Variants in STON2 observed in about 807,000 individuals in gnomAD.
STON2 encodes the protein stonin-2.
STON2 carries 29 observed loss-of-function variants against 65.7 expected under a neutral mutation model. The observed-to-expected ratio is 0.44, with a 90% CI of 0.33 to 0.60. The LOEUF (loss-of-function observed/expected upper bound fraction) is 0.60. STON2 is among the 20% of genes least tolerant of loss of function. The probability of loss-of-function intolerance (pLI) is 0.03; values close to 1 mark genes in which losing one functional copy is unlikely to be tolerated. For missense variants in STON2, 1,054 were observed against 1,118.1 expected (o/e 0.94, Z 0.82); for synonymous variants, 404 against 414.2 (o/e 0.98, Z 0.30).
intron 5 of STON2, among the ~76,000 whole-genome samples, chr14:81,289,943 A>C (rs1421721172): frequency 6.6e-6 from 1 of 152,176 alleles, no homozygotes; most frequent in African/African-American, 2.4e-5. Context: ...CTTAAAGAGA[A>C]TGTCAAGTGG....
chr14:81,369,472 C>A, intron 4 of STON2, among the ~76,000 whole-genome samples: 1 of 152,114 alleles, frequency 6.6e-6, no homozygotes, highest in Non-Finnish European at 1.5e-5. Flanking sequence ...GCATAGAAAT[C>A]TTGGCTTTTC....
chr14:81,286,474 T>C (rs1895338204), intron 5 of STON2, among the ~76,000 whole-genome samples: 1 of 152,220 alleles, frequency 6.6e-6, no homozygotes, highest in African/African-American at 2.4e-5. Context: ...AGGTGATCAT[T>C]AGCACTTTTA....
At chr14:81,308,573 G>A (rs1019967167) in intron 5 of STON2, among the ~76,000 whole-genome samples, 5 of 151,746 alleles carry the variant, frequency 3.3e-5, no homozygotes, top group Non-Finnish European at 5.9e-5. Flanking sequence ...CTGAAGGTGG[G>A]GCATTTATTC....
intron 5 of STON2, among the ~76,000 whole-genome samples, chr14:81,298,463 C>T (rs889225407): frequency 2.0e-5 from 3 of 151,894 alleles, no homozygotes; most frequent in Admixed American, 6.6e-5. Flanking sequence ...TAAGAATTAC[C>T]CCTGAGCAAA....
chr14:81,375,337 T>A (rs530147892), intron 3 of STON2, among the ~76,000 whole-genome samples: 2 of 151,998 alleles, frequency 1.3e-5, no homozygotes, highest in Non-Finnish European at 2.9e-5. Context: ...GCACAAAAAA[T>A]ATATCTAAAA....
intron 4 of STON2, among the ~76,000 whole-genome samples, chr14:81,362,521 A>T (rs1159540090): frequency 6.6e-6 from 1 of 152,210 alleles, no homozygotes; most frequent in Non-Finnish European, 1.5e-5. Flanking sequence ...AAGGGTACAA[A>T]GCCTCAATTA....
intron 4 of STON2, among the ~76,000 whole-genome samples, chr14:81,370,555 C>T (rs972737956): frequency 1.3e-5 from 2 of 152,216 alleles, no homozygotes; most frequent in African/African-American, 4.8e-5. Context: ...AGTGTTGATT[C>T]TCATTCTGTT....
chr14:81,291,909 C>T (rs1467867744), intron 5 of STON2, among the ~76,000 whole-genome samples: 1 of 149,892 alleles, frequency 6.7e-6, no homozygotes, highest in Non-Finnish European at 1.5e-5. Context: ...ACACGGATAT[C>T]ACCTCTTCCC....
At chr14:81,335,194 T>C (rs7140168) in intron 4 of STON2, among the ~76,000 whole-genome samples, 63,738 of 151,910 alleles carry the variant, frequency 0.42, 16,298 homozygotes, top group Non-Finnish European at 0.57. Flanking sequence ...GAGTTGGCAC[T>C]AAAAATGATG....
rs1894300988 is a variant in STON2, at chr14:81,265,045, A to G, written c.*3369T>C. ...AAATGAATTCATTTTTAATATTTTC[A>G]CATTATTGATAACAAAGATTATTTG... On this transcript the variant is annotated 3_prime_UTR_variant, in exon 8 of 8. Transcript: ENST00000614646. The G allele has an allele frequency of 1.0e-6, 1 of 980,896 alleles. No homozygotes were observed. The highest frequency in any genetic ancestry group is 1.2e-6 in the Non-Finnish European group (1 of 825,938). 60.8% of individuals were successfully genotyped at this position (980,896 alleles called of 1,614,324 possible). A position where few individuals can be genotyped will look rare whatever the true frequency, so the allele number is the denominator to read the frequency against.
intron 3 of STON2, among the ~76,000 whole-genome samples, chr14:81,377,559 T>C (rs1899312015): frequency 2.0e-5 from 3 of 152,328 alleles, no homozygotes; most frequent in South Asian, 4.1e-4. Context: ...CATACGGTAA[T>C]TGCACGTTTA....
Position 81,270,976 on chromosome 14 carries a change from C to T in STON2, c.2582-104G>A, listed in dbSNP as rs1477227278. 3.5e-6 allele frequency: 5 copies of T among 1,440,262 alleles called. No homozygotes were observed. In the Admixed American group the frequency reaches 1.3e-4, roughly 38 times the overall value. 89.2% of individuals were successfully genotyped at this position (1,440,262 alleles called of 1,614,324 possible). A position where few individuals can be genotyped will look rare whatever the true frequency, so the allele number is the denominator to read the frequency against. On this transcript the variant is annotated intron_variant, in intron 6 of 7. Transcript: ENST00000614646. ...ATAAAGGAGGCCTGTGGGCTCGGCACCCGGCAGCCTTTCAGAGGGTCCAGT... is the reference window on the plus strand; with the variant it reads ...ATAAAGGAGGCCTGTGGGCTCGGCATCCGGCAGCCTTTCAGAGGGTCCAGT...
intron 4 of STON2, chr14:81,333,327 A>G: frequency 1.6e-6 from 1 of 615,822 alleles, no homozygotes. Context: ...GTTGGTCATG[A>G]ACTTTCTAGT....
At chr14:81,303,175 C>G (rs1054738420) in intron 5 of STON2, among the ~76,000 whole-genome samples, 9 of 151,602 alleles carry the variant, frequency 5.9e-5, no homozygotes, top group African/African-American at 1.7e-4. Context: ...AGGGAAGAGA[C>G]GGGGAAAAGT....
chr14:81,381,387 G>A (rs1035243522), intron 3 of STON2, among the ~76,000 whole-genome samples: 6 of 151,920 alleles, frequency 3.9e-5, no homozygotes, highest in Non-Finnish European at 7.4e-5. Context: ...AAGACATAAG[G>A]AGAATGAAAA....
At chr14:81,389,588 G>T (rs956091531) in intron 3 of STON2, among the ~76,000 whole-genome samples, 5 of 152,164 alleles carry the variant, frequency 3.3e-5, no homozygotes, top group Admixed American at 6.6e-5. Context: ...GGGCCATTTT[G>T]TCTAAGCTGG....
chr14:81,291,121 G>C (rs1381510185), intron 5 of STON2, among the ~76,000 whole-genome samples: 1 of 152,038 alleles, frequency 6.6e-6, no homozygotes, highest in African/African-American at 2.4e-5. Flanking sequence ...GAGACAGGAA[G>C]AATGAAGAAA....
Position 81,264,864 on chromosome 14 carries a change from A to G in STON2, c.*3550T>C, listed in dbSNP as rs936967525. 9 of 985,304 alleles carry G rather than the reference A, an allele frequency of 9.1e-6. No individual in the cohort carries two copies. Among genetic ancestry groups the G allele is most frequent in the African/African-American group, 7.0e-5 (4 of 57,228 alleles). The allele number at this position is 985,304 out of a possible 1,614,324, so 61.0% of individuals were successfully genotyped here. On this transcript the variant is annotated 3_prime_UTR_variant, in exon 8 of 8. Coordinates refer to ENST00000614646, the MANE Select transcript of STON2 (RefSeq NM_001394390.1). ...GGGATCATCTAATGGTCTCCCCACA[A>G]AGTGCCTCACATTGTCTTGTCTGAC...
At chr14:81,310,917 G>A (rs1896399401) in intron 5 of STON2, among the ~76,000 whole-genome samples, 1 of 152,028 alleles carries the variant, frequency 6.6e-6, no homozygotes, top group Non-Finnish European at 1.5e-5. Flanking sequence ...CTTTTCATAG[G>A]TGTTTTTCTC....
Sources: allele counts gnomAD v4.1 joint callset (sites outside exome capture counted in the v4.1 genomes callset), GRCh38; gene constraint gnomAD v4.1.1; transcripts MANE v1.5; gene names NCBI Gene and HGNC (gene_info 2026-07-23, HGNC 2026-07-21).